Variants in PCP4 observed in about 807,000 individuals in gnomAD.
The protein encoded by PCP4 is calmodulin regulator protein PCP4.
In PCP4, 8 loss-of-function variants were observed where a neutral mutation model predicts 10.0. That is an observed-to-expected ratio of 0.80 (90% CI 0.47 to 1.45). PCP4 has a LOEUF of 1.45. Among genes scored for constraint, PCP4 ranks in the 40% most tolerant of loss-of-function variants. The pLI, the probability that PCP4 is intolerant of heterozygous loss-of-function variation, is 0.00. For missense variants in PCP4, 54 were observed against 74.4 expected, an observed-to-expected ratio of 0.73 and a Z score of 1.01; for synonymous variants, 21 against 23.0, an observed-to-expected ratio of 0.91 and a Z score of 0.24.
At chr21:39,907,189 T>C (rs893315211) in intron 2 of PCP4, among the ~76,000 whole-genome samples, 6 of 151,802 alleles carry the variant, frequency 4.0e-5, no homozygotes, top group Non-Finnish European at 8.8e-5. Context: ...CCTCAAAGAG[T>C]AGATCTCCCT....
intron 2 of PCP4, among the ~76,000 whole-genome samples, chr21:39,904,735 C>T (rs1247200420): frequency 6.6e-6 from 1 of 152,152 alleles, no homozygotes; most frequent in Admixed American, 6.5e-5. Context: ...GAGCAGCCTG[C>T]GATTCAGAGT....
At chr21:39,868,364 T>C (rs1434424604) in intron 1 of PCP4, among the ~76,000 whole-genome samples, 1 of 152,218 alleles carries the variant, frequency 6.6e-6, no homozygotes, top group Non-Finnish European at 1.5e-5. Flanking sequence ...TGGATGATTC[T>C]TTTCTTGGAA....
intron 2 of PCP4, among the ~76,000 whole-genome samples, chr21:39,921,636 T>C (rs1013078173): frequency 3.3e-5 from 5 of 152,348 alleles, no homozygotes; most frequent in East Asian, 1.9e-4. Context: ...CCCCAGATTG[T>C]AACTACATTT....
chr21:39,903,597 G>A (rs985421530), intron 2 of PCP4, among the ~76,000 whole-genome samples: 4 of 152,254 alleles, frequency 2.6e-5, no homozygotes, highest in Admixed American at 2.0e-4. Flanking sequence ...GGCTGGGCGC[G>A]GTGGCTCACG....
At chr21:39,925,095 TC>T (rs954987453) in intron 2 of PCP4, among the ~76,000 whole-genome samples, 1 of 152,146 alleles carries the variant, frequency 6.6e-6, no homozygotes, top group African/African-American at 2.4e-5. Flanking sequence ...CCTGAGGCTT[TC>T]CCCCATGAAA....
chr21:39,918,427 C>T (rs953266719), intron 2 of PCP4, among the ~76,000 whole-genome samples: 4 of 152,070 alleles, frequency 2.6e-5, no homozygotes, highest in African/African-American at 9.7e-5. Flanking sequence ...TAAACTCTTA[C>T]TTTTGGCTAC....
At chr21:39,904,749 G>T (rs1475055010) in intron 2 of PCP4, among the ~76,000 whole-genome samples, 1 of 152,198 alleles carries the variant, frequency 6.6e-6, no homozygotes, top group South Asian at 2.1e-4. Flanking sequence ...TCAGAGTTTT[G>T]CTGTTCCTGT....
intron 2 of PCP4, among the ~76,000 whole-genome samples, chr21:39,918,372 G>C (rs74854665): frequency 0.034 from 5,112 of 152,160 alleles, 302 homozygotes; most frequent in African/African-American, 0.12. Context: ...ATGGAAGCCC[G>C]AGAAACAGAA....
intron 1 of PCP4, among the ~76,000 whole-genome samples, chr21:39,875,751 G>A (rs1428349463): frequency 6.6e-6 from 1 of 152,136 alleles, no homozygotes; most frequent in Non-Finnish European, 1.5e-5. Flanking sequence ...TTTTGATAGT[G>A]TACCTTAATA....
chr21:39,886,084 G>C (rs537608930), intron 1 of PCP4, among the ~76,000 whole-genome samples: 22 of 152,226 alleles, frequency 1.4e-4, no homozygotes, highest in African/African-American at 5.1e-4. Context: ...TATTTGATTA[G>C]AGCCCATTCT....
At chr21:39,890,725 A>G (rs111686614) in intron 1 of PCP4, among the ~76,000 whole-genome samples, 3,995 of 152,168 alleles carry the variant, frequency 0.026, 126 homozygotes, top group African/African-American at 0.083. Context: ...TTTGAAAAAT[A>G]TTGCGTTAAC....
chr21:39,903,804 C>G (rs1049436045), intron 2 of PCP4, among the ~76,000 whole-genome samples: 2 of 141,652 alleles, frequency 1.4e-5, no homozygotes, highest in Admixed American at 7.7e-5. Flanking sequence ...GGAGGCGGAG[C>G]TTGCAGTGAG....
chr21:39,870,508 C>T (rs2087314506), intron 1 of PCP4, among the ~76,000 whole-genome samples: 1 of 152,142 alleles, frequency 6.6e-6, no homozygotes, highest in Admixed American at 6.5e-5. Context: ...CGTACTCACC[C>T]AGGCACAAGA....
At chr21:39,901,094 G>A (rs1394337012) in intron 2 of PCP4, among the ~76,000 whole-genome samples, 2 of 152,166 alleles carry the variant, frequency 1.3e-5, no homozygotes, top group Non-Finnish European at 2.9e-5. Context: ...AGGACAGCTG[G>A]ATTTTCATAC....
At chr21:39,881,410 A>T (rs2087375071) in intron 1 of PCP4, among the ~76,000 whole-genome samples, 1 of 152,178 alleles carries the variant, frequency 6.6e-6, no homozygotes, top group Non-Finnish European at 1.5e-5. Context: ...CTCCATAGGA[A>T]AAGGGTTTGC....
At position 39,906,640 on chromosome 21, in the gene PCP4, T is replaced by C. The variant is rs1866486120; in HGVS notation, c.61+8113T>C. On this transcript the variant is annotated intron_variant, in intron 2 of 2. Coordinates refer to ENST00000328619, the MANE Select transcript of PCP4 (RefSeq NM_006198.3). This position sits in a 1 kb window ranked among gnomAD's most constrained non-coding sequence, Gnocchi z 6.3. ...TTCCTACCTTTCATCCTTTTCTTCCTTCTTTCTTTTTGAGATTGAGCAGTG... is the reference window on the plus strand; with the variant it reads ...TTCCTACCTTTCATCCTTTTCTTCCCTCTTTCTTTTTGAGATTGAGCAGTG... Among the ~76,000 whole-genome samples the C allele has an allele frequency of 6.6e-6, 1 of 151,992 alleles. No homozygotes were observed. The highest frequency in any genetic ancestry group is 1.5e-5 in the Non-Finnish European group (1 of 67,988).
intron 1 of PCP4, among the ~76,000 whole-genome samples, chr21:39,888,529 G>A (rs962147887): frequency 1.3e-5 from 2 of 152,156 alleles, no homozygotes; most frequent in Non-Finnish European, 2.9e-5. Flanking sequence ...ACTTCAATGA[G>A]GAATTTCTCC....
intron 2 of PCP4, among the ~76,000 whole-genome samples, chr21:39,916,837 A>C (rs2087570725): frequency 6.6e-6 from 1 of 152,220 alleles, no homozygotes; most frequent in East Asian, 1.9e-4. Context: ...TCAGCAAACT[A>C]ACACAGGAAC....
intron 2 of PCP4, among the ~76,000 whole-genome samples, chr21:39,919,932 GTA>G (rs1237288206): frequency 6.6e-6 from 1 of 150,702 alleles, no homozygotes; most frequent in Non-Finnish European, 1.5e-5. Context: ...GTGTGTTTGT[GTA>G]TGAGTGCATG....
Sources: gnomAD v4.1 joint callset for allele counts (sites outside exome capture counted in the v4.1 genomes callset) on GRCh38, gnomAD v4.1.1 for gene constraint, Gnocchi (gnomAD v3.1) non-coding constraint, MANE v1.5 for transcripts, NCBI Gene and HGNC (gene_info 2026-07-23, HGNC 2026-07-21) for gene names.